Variants in NOTCH2 observed in about 807,000 individuals in gnomAD.
NOTCH2 encodes notch receptor 2, also known as neurogenic locus notch homolog protein 2.
NOTCH2 carries 29 observed loss-of-function variants against 235.8 expected under a neutral mutation model. That is an observed-to-expected ratio of 0.12 (90% confidence interval 0.09 to 0.17). The LOEUF (loss-of-function observed/expected upper bound fraction) is 0.17. Ranked by LOEUF, NOTCH2 falls within the 10% of genes least tolerant of loss-of-function variation. NOTCH2 has a pLI of 1.00. For synonymous variants in NOTCH2, 1,086 were observed against 1,141.5 expected, an observed-to-expected ratio of 0.95 and a Z score of 0.98; for missense variants, 2,285 against 3,150.2, an observed-to-expected ratio of 0.73 and a Z score of 6.57.
In NOTCH2 at chr1:119,941,645, C is replaced by G. The variant is rs1474068965; in HGVS notation, c.2862G>C (p.Leu954=). The G allele has an allele frequency of 6.2e-7, 1 of 1,614,038 alleles. No individual in the cohort carries two copies. Among genetic ancestry groups the G allele is most frequent in the Non-Finnish European group, 8.5e-7 (1 of 1,180,008 alleles). The change falls in exon 18 of 34, where the codon CTG becomes CTC. Residue 954 remains leucine, a synonymous_variant. Transcript: ENST00000256646. ...TCCCTCCATTCTTACAGGGTTCACT[C>G]AGACACTCATTCATGTCTGTCTGGC... ...DKCQTDMNEC[L]SEPCKNGGTC... is the part of the protein sequence containing the mutation.
chr1:119,997,288 C>T lies in NOTCH2; in HGVS notation c.460G>A (p.Ala154Thr). Residue 154 changes from alanine (A) to threonine (T), a missense_variant, in exon 4 of 34, where the codon GCA (alanine) becomes ACA (threonine). By Grantham distance (58) the Ala-to-Thr change is moderately conservative. Coordinates refer to ENST00000256646, the MANE Select transcript of NOTCH2 (RefSeq NM_024408.4). ...ACAGTGGTACAGGTACTTCCATTTG[C>T]ACAGGGATGAGACAGGCAGGCATCC... The part of the protein sequence containing the change: ...WTDACLSHPC[A>T]NGSTCTTVAN... 1 of 1,613,976 alleles carries T rather than the reference C, an allele frequency of 6.2e-7. No homozygotes were observed. Among genetic ancestry groups the T allele is most frequent in the South Asian group, 1.1e-5 (1 of 91,074 alleles).
Position 119,919,389 on chromosome 1 carries a change from C to T in NOTCH2, c.5704G>A (p.Asp1902Asn). ...AAKRLLDAGA[D>N]ANAQDNMGRC... ...CCCATGTTGTCCTGGGCATTGGCAT[C>T]TGCACCTGCATCCAGGAGACGCTTG... Residue 1902 changes from aspartate (D) to asparagine (N), a missense_variant, in exon 31 of 34, where the codon GAT becomes AAT. Physicochemically the swap from Asp to Asn is conservative, Grantham distance 23. Transcript: ENST00000256646. The T allele has an allele frequency of 6.2e-7, 1 of 1,613,770 alleles. No individual in the cohort carries two copies.
chr1:120,046,054 A>C (rs1345646806), intron 1 of NOTCH2, among the ~76,000 whole-genome samples: 1 of 151,346 alleles, frequency 6.6e-6, no homozygotes, highest in Non-Finnish European at 1.5e-5. Context: ...GGAAGCGTTC[A>C]TGCTTTAAAA....
At position 119,919,570 on chromosome 1, in the gene NOTCH2, G is replaced by A. The variant is rs762907328; in HGVS notation, c.5523C>T (p.Ser1841=). The A allele has an allele frequency of 5.6e-6, 9 of 1,614,164 alleles. No individual in the cohort carries two copies. The highest frequency in any genetic ancestry group is 7.6e-6 in the Non-Finnish European group (9 of 1,180,042). The change falls in exon 31 of 34, where the codon AGC becomes AGT. Residue 1841 remains serine (S), a synonymous_variant. Transcript: ENST00000256646. The part of the protein sequence containing the change: ...PLMLASLRGG[S]SDLSDEDEDA... ...CTTCATCTTCATCACTCAAATCTGA[G>A]CTGCCTCCTCGGAGAGAAGCCAACA...
In NOTCH2 at chr1:120,010,412, C is replaced by T. The variant is rs587687373; in HGVS notation, c.156-4824G>A. ...TGAATACAAGCATGTAGCATGGTGC[C>T]GGATAAATCTTAAGAATTTAATAAA... is the stretch of plus-strand genomic sequence containing the variant. On this transcript the variant is annotated intron_variant, in intron 2 of 33. Transcript: ENST00000256646. Among the ~76,000 whole-genome samples, 182 of 152,110 alleles carry T rather than the reference C, an allele frequency of 1.2e-3. 1 individual carries two copies. The highest frequency in any genetic ancestry group is 2.2e-3 in the Non-Finnish European group (151 of 67,998).
Position 119,919,469 on chromosome 1 carries a change from C to T in NOTCH2, c.5624G>A (p.Arg1875Gln), listed in dbSNP as rs148613210. 82 of 1,613,812 alleles carry T rather than the reference C, an allele frequency of 5.1e-5. No homozygotes were observed. In the Middle Eastern group the frequency reaches 5.2e-4, roughly 10 times the overall value. Reference protein sequence around the residue: ...QGASLQAQTDRTGEMALHLAA... With the variant: ...QGASLQAQTDQTGEMALHLAA... Reference sequence around the variant, plus strand: ...AAGGTGCAGGGCCATCTCACCAGTCCGGTCTGTCTGGGCCTGGAGGCTGGC... The same window carrying T: ...AAGGTGCAGGGCCATCTCACCAGTCTGGTCTGTCTGGGCCTGGAGGCTGGC... Residue 1875 changes from arginine to glutamine, a missense_variant, in exon 31 of 34, where the codon CGG becomes CAG. Physicochemically the swap from Arg to Gln is conservative, Grantham distance 43. Around this residue, in one of 6 missense-constraint regions of NOTCH2, gnomAD observed 128 missense variants for 255.9 expected, o/e 0.50. Transcript: ENST00000256646.
At chr1:119,937,179 C>T (rs1553195809) in intron 21 of NOTCH2, 103 bp downstream of exon 21, 5 of 1,163,780 alleles carry the variant, frequency 4.3e-6, no homozygotes, top group Non-Finnish European at 6.4e-6. Context: ...AATCTATAAA[C>T]TATCAATATA....
intron 1 of NOTCH2, among the ~76,000 whole-genome samples, chr1:120,042,057 T>C (rs1654596968): frequency 7.5e-6 from 1 of 132,494 alleles, no homozygotes; most frequent in East Asian, 2.0e-4. Context: ...TCATCTGCTT[T>C]GTTGCCACTC....
intron 4 of NOTCH2, among the ~76,000 whole-genome samples, chr1:119,991,788 T>C (rs1162151463): frequency 1.1e-5 from 1 of 88,808 alleles, no homozygotes; most frequent in South Asian, 4.5e-4. Context: ...GATAGCGCCA[T>C]TGCACTCCAG....
Position 119,943,936 on chromosome 1 carries a change from T to C in NOTCH2, c.2753-2182A>G, listed in dbSNP as rs1650161900. ...AAAAACATAATATCTGAGGGAAAAA[T>C]ATACTAAATGAGATGAACAGTAAAC... On this transcript the variant is annotated intron_variant, in intron 17 of 33. Coordinates refer to ENST00000256646, the MANE Select transcript of NOTCH2 (RefSeq NM_024408.4). Among the ~76,000 whole-genome samples, 4 of 151,676 alleles carry C rather than the reference T, an allele frequency of 2.6e-5. 1 individual carries two copies. The South Asian group carries it at 8.3e-4, about 32-fold the overall frequency.
At position 119,967,681 on chromosome 1, in the gene NOTCH2, C is replaced by T. The variant is rs1483697218; in HGVS notation, c.1265-60G>A. 7.7e-6 allele frequency: 11 copies of T among 1,434,526 alleles called. No individual in the cohort carries two copies. The African/African-American group carries it at 1.4e-4, about 18-fold the overall frequency. The allele number at this position is 1,434,526 out of a possible 1,614,324, so 88.9% of individuals were successfully genotyped here. A position where few individuals can be genotyped will look rare whatever the true frequency, so the allele number is the denominator to read the frequency against. ...GCAGTTGAGTTTCCACAAATGTGAA[C>T]AATAGAAGAGCATCTGATGGTTATA... On this transcript the variant is annotated intron_variant, in intron 7 of 33. Transcript: ENST00000256646.
chr1:120,048,457 T>G (rs1162937483), intron 1 of NOTCH2, among the ~76,000 whole-genome samples: 1 of 121,710 alleles, frequency 8.2e-6, no homozygotes, highest in East Asian at 2.1e-4. Flanking sequence ...TTTTTTTTTT[T>G]TTTTTTTTGG....
Position 119,919,455 on chromosome 1 carries a change from C to A in NOTCH2, c.5638G>T (p.Ala1880Ser), listed in dbSNP as rs1451096517. The part of the protein sequence containing the change: ...QAQTDRTGEM[A>S]LHLAARYSRA... ...GAGTAGCGGGCTGCAAGGTGCAGGG[C>A]CATCTCACCAGTCCGGTCTGTCTGG... Residue 1880 changes from alanine (A) to serine (S), a missense_variant, in exon 31 of 34, where the codon GCC (alanine) becomes TCC (serine). Physicochemically the swap from Ala to Ser is moderately conservative, Grantham distance 99. This residue lies in a region of NOTCH2 where 128 missense variants were observed against 255.9 expected (regional missense o/e 0.50). Coordinates refer to ENST00000256646, the MANE Select transcript of NOTCH2 (RefSeq NM_024408.4). The A allele has an allele frequency of 6.2e-7, 1 of 1,613,814 alleles. No individual in the cohort carries two copies. The highest frequency in any genetic ancestry group is 8.5e-7 in the Non-Finnish European group (1 of 1,180,024).
At position 119,952,275 on chromosome 1, in the gene NOTCH2, C is replaced by T. The variant is rs587625367; in HGVS notation, c.2365+1268G>A. On this transcript the variant is annotated intron_variant, in intron 14 of 33. Coordinates refer to ENST00000256646, the MANE Select transcript of NOTCH2 (RefSeq NM_024408.4). ...CATTTTTGGCACCAGGGATTGGTTTCGTGGAAGACAATTTTTCCATGATCC... is the reference window on the plus strand; with the variant it reads ...CATTTTTGGCACCAGGGATTGGTTTTGTGGAAGACAATTTTTCCATGATCC... 6.1e-4 allele frequency among the ~76,000 whole-genome samples: 93 copies of T among 152,182 alleles called. 1 individual carries two copies. Among genetic ancestry groups the T allele is most frequent in the Middle Eastern group, 6.8e-3 (2 of 292 alleles).
intron 31 of NOTCH2, among the ~76,000 whole-genome samples, 187 bp downstream of exon 31, chr1:119,919,125 T>C (rs1162577023): frequency 1.3e-5 from 2 of 152,206 alleles, no homozygotes; most frequent in Non-Finnish European, 1.5e-5. Context: ...TATCTTCCTA[T>C]ATATAGCTAG....
At chr1:119,973,074 T>TG (rs1379577250) in intron 5 of NOTCH2, among the ~76,000 whole-genome samples, 1 of 152,210 alleles carries the variant, frequency 6.6e-6, no homozygotes, top group Non-Finnish European at 1.5e-5. Context: ...ACTGAACACC[T>TG]TTGGACCATG....
At chr1:119,956,221 T>C (rs1477777943) in intron 12 of NOTCH2, among the ~76,000 whole-genome samples, 1 of 152,230 alleles carries the variant, frequency 6.6e-6, no homozygotes, top group Non-Finnish European at 1.5e-5. Flanking sequence ...TGTTACATTT[T>C]GAGTAACTGA....
At chr1:119,952,124 C>CA (rs1650498635) in intron 14 of NOTCH2, among the ~76,000 whole-genome samples, 2 of 152,196 alleles carry the variant, frequency 1.3e-5, no homozygotes, top group Admixed American at 1.3e-4. Flanking sequence ...GATTTACCCA[C>CA]ACGGCTCTCT....
chr1:119,917,563 G>A (rs990038250), intron 33 of NOTCH2, 102 bp downstream of exon 33: 1 of 843,034 alleles, frequency 1.2e-6, no homozygotes, highest in Non-Finnish European at 2.1e-6. Context: ...TTCCATCTTT[G>A]TCTATACATA....
Sources: gnomAD v4.1 joint callset for allele counts (sites outside exome capture counted in the v4.1 genomes callset) on GRCh38, gnomAD v4.1.1 for gene constraint, gnomAD v4.1.1 regional missense constraint, MANE v1.5 for transcripts, NCBI Gene and HGNC (gene_info 2026-07-23, HGNC 2026-07-21) for gene names.